The following PLXNA2 variants were observed in gnomAD, a reference collection of about 807,000 sequenced individuals.
The protein encoded by PLXNA2 is plexin A2, also known as plexin-A2.
In PLXNA2, 91 loss-of-function variants were observed where a neutral mutation model predicts 193.5. The observed-to-expected ratio is 0.47, with a 90% confidence interval of 0.40 to 0.56. The LOEUF (loss-of-function observed/expected upper bound fraction) is 0.56, where lower values mean the gene tolerates loss of function less well. PLXNA2 is among the 20% of genes least tolerant of loss of function. The pLI is 0.00. For synonymous variants in PLXNA2, 997 were observed against 1,027.3 expected (o/e 0.97, Z 0.56); for missense variants, 1,995 against 2,503.2 (o/e 0.80, Z 4.33).
chr1:208,071,898 T>C (rs1665989960), intron 12 of PLXNA2, among the ~76,000 whole-genome samples: 1 of 152,232 alleles, frequency 6.6e-6, no homozygotes, highest in Admixed American at 6.5e-5. Context: ...TGGCCTTTCC[T>C]GCAGAGATTT....
chr1:208,119,972 G>C (rs1234536361), intron 4 of PLXNA2, among the ~76,000 whole-genome samples: 2 of 152,222 alleles, frequency 1.3e-5, no homozygotes, highest in Non-Finnish European at 2.9e-5. Context: ...TCCAGAACCG[G>C]AGGGAGGTGA....
chr1:208,217,742 C>A lies in PLXNA2; in HGVS notation c.181G>T (p.Ala61Ser). 1 of 1,614,170 alleles carries A rather than the reference C, an allele frequency of 6.2e-7. No homozygotes were observed. Among genetic ancestry groups the A allele is most frequent in the South Asian group, 1.1e-5 (1 of 91,076 alleles). The part of the protein sequence containing the change: ...NHLTVHQGTG[A>S]VYVGAINRVY... ...CGGTTGATGGCCCCCACATAGACGG[C>A]CCCCGTCCCTTGGTGGACGGTCAAG... Residue 61 changes from alanine (A) to serine (S), a missense_variant, in exon 2 of 32, where the codon GCC becomes TCC. Physicochemically the swap from Ala to Ser is moderately conservative, Grantham distance 99 (BLOSUM62 1). Around this residue, in one of 3 missense-constraint regions of PLXNA2, gnomAD observed 702 missense variants for 812.9 expected, o/e 0.86. Coordinates refer to ENST00000367033, the MANE Select transcript of PLXNA2 (RefSeq NM_025179.4). The surrounding 1 kb of genome is among the most constrained non-coding windows in gnomAD (Gnocchi z 4.7).
chr1:208,038,484 G>C lies in PLXNA2; in HGVS notation c.4661-10C>G. 6.2e-7 allele frequency: 1 copy of C among 1,606,766 alleles called. No homozygotes were observed. Among genetic ancestry groups the C allele is most frequent in the South Asian group, 1.1e-5 (1 of 90,904 alleles). The stretch of plus-strand genomic sequence containing the variant: ...CGGCCTTGGCGCCACTCTGGGTGGA[G>C]GGGGTGGTGCAGGGAGCGGCGTGAG... On this transcript the variant is annotated splice_polypyrimidine_tract_variant and intron_variant, in intron 25 of 31. Coordinates refer to ENST00000367033, the MANE Select transcript of PLXNA2 (RefSeq NM_025179.4). The surrounding 1 kb of genome is among the most constrained non-coding windows in gnomAD (Gnocchi z 4.1).
chr1:208,112,211 T>C (rs149201482), intron 4 of PLXNA2, among the ~76,000 whole-genome samples: 91 of 152,224 alleles, frequency 6.0e-4, no homozygotes, highest in African/African-American at 2.0e-3. Flanking sequence ...GAGAGGACAA[T>C]ATGAAAAGAA....
At chr1:208,151,652 A>C (rs12026640) in intron 3 of PLXNA2, among the ~76,000 whole-genome samples, 16,700 of 152,246 alleles carry the variant, frequency 0.11, 1,129 homozygotes, top group East Asian at 0.31. Context: ...CATCTATTCT[A>C]TGTCAACCCG....
At chr1:208,111,163 G>T (rs1667461552) in intron 4 of PLXNA2, among the ~76,000 whole-genome samples, 1 of 152,234 alleles carries the variant, frequency 6.6e-6, no homozygotes, top group African/African-American at 2.4e-5. Flanking sequence ...GGATTCTCTT[G>T]CCTCAGCCCT....
At chr1:208,180,803 C>A (rs1010424029) in intron 3 of PLXNA2, among the ~76,000 whole-genome samples, 1 of 152,106 alleles carries the variant, frequency 6.6e-6, no homozygotes, top group South Asian at 2.1e-4. Flanking sequence ...CTAAAGCAAT[C>A]GAGGGGAACT....
At chr1:208,053,168 G>A (rs1311405258) in intron 14 of PLXNA2, among the ~76,000 whole-genome samples, 3 of 152,244 alleles carry the variant, frequency 2.0e-5, no homozygotes, top group Admixed American at 6.5e-5. Context: ...GTGGAGTGGA[G>A]TGAATTGGAA....
chr1:208,066,745 C>G (rs138060567), intron 12 of PLXNA2, among the ~76,000 whole-genome samples: 3 of 152,086 alleles, frequency 2.0e-5, no homozygotes, highest in Admixed American at 6.5e-5. Flanking sequence ...TCATAGGAGA[C>G]GACAGCTCTA....
At chr1:208,176,768 AG>A (rs1468822356) in intron 3 of PLXNA2, among the ~76,000 whole-genome samples, 3 of 152,258 alleles carry the variant, frequency 2.0e-5, no homozygotes, top group Non-Finnish European at 4.4e-5. Context: ...AAGACCTTAA[AG>A]GGTTTCCCCT....
At chr1:208,047,583 G>T (rs1036101636) in intron 17 of PLXNA2, among the ~76,000 whole-genome samples, 9 of 152,234 alleles carry the variant, frequency 5.9e-5, no homozygotes, top group Non-Finnish European at 1.3e-4. Context: ...ACCCAGCACA[G>T]CTCAGTTTCA....
At chr1:208,067,933 T>C (rs1196702238) in intron 12 of PLXNA2, among the ~76,000 whole-genome samples, 1 of 152,150 alleles carries the variant, frequency 6.6e-6, no homozygotes, top group East Asian at 1.9e-4. Flanking sequence ...GCATGTCCAC[T>C]GACAAATGCC....
Position 208,084,416 on chromosome 1 carries a change from G to A in PLXNA2, c.2262C>T (p.Arg754=). The change falls in exon 10 of 32, where the codon CGC becomes CGT. Residue 754 remains arginine (R), a synonymous_variant. Transcript: ENST00000367033. ...QGAIHRVPAL[R]FNSSSVQCQN... is the part of the protein sequence containing the mutation. Reference sequence around the variant, plus strand: ...GACACTGAACGCTGGAGCTGTTGAAGCGCAGAGCGGGGACCCGGTGGATGG... The same window carrying A: ...GACACTGAACGCTGGAGCTGTTGAAACGCAGAGCGGGGACCCGGTGGATGG... 6.2e-7 allele frequency: 1 copy of A among 1,614,270 alleles called. No individual in the cohort carries two copies. Among genetic ancestry groups the A allele is most frequent in the Non-Finnish European group, 8.5e-7 (1 of 1,180,050 alleles).
At chr1:208,103,331 C>T (rs1182129113) in intron 4 of PLXNA2, 84 bp from the exon 5 acceptor site, 1 of 1,033,772 alleles carries the variant, frequency 9.7e-7, no homozygotes, top group Admixed American at 2.2e-5. Context: ...TGTGTACTCA[C>T]ACTTGCACTG....
intron 3 of PLXNA2, among the ~76,000 whole-genome samples, chr1:208,185,696 C>CA (rs56384277): frequency 0.14 from 7,910 of 57,192 alleles, 413 homozygotes; most frequent in Non-Finnish European, 0.17. Context: ...TCTCTGAAAG[C>CA]AAAAAAAAAA....
intron 12 of PLXNA2, among the ~76,000 whole-genome samples, chr1:208,065,913 T>C (rs1312943973): frequency 6.6e-6 from 1 of 152,224 alleles, no homozygotes; most frequent in Non-Finnish European, 1.5e-5. Flanking sequence ...CTTCTTTCCC[T>C]GGCTATCAGC....
At chr1:208,031,255 A>C (rs1206630303) in intron 29 of PLXNA2, 42 of 1,130,790 alleles carry the variant, frequency 3.7e-5, no homozygotes, top group Middle Eastern at 3.8e-4. Flanking sequence ...AGCTCTTTGC[A>C]TAGGTTCCCC....
intron 2 of PLXNA2, among the ~76,000 whole-genome samples, chr1:208,212,026 C>T (rs1200352996): frequency 6.6e-6 from 1 of 152,192 alleles, no homozygotes; most frequent in Non-Finnish European, 1.5e-5. Context: ...GTGGCAAAGG[C>T]TGCAGGCTCT....
intron 12 of PLXNA2, among the ~76,000 whole-genome samples, chr1:208,075,508 C>G (rs904416348): frequency 6.6e-6 from 1 of 152,158 alleles, no homozygotes; most frequent in East Asian, 1.9e-4. Context: ...TACCACGTTT[C>G]TTCACTGCCC....
Sources: allele counts gnomAD v4.1 joint callset (sites outside exome capture counted in the v4.1 genomes callset), GRCh38; gene constraint gnomAD v4.1.1; regional missense constraint gnomAD v4.1.1; non-coding constraint Gnocchi (gnomAD v3.1); transcripts MANE v1.5; gene names NCBI Gene and HGNC (gene_info 2026-07-23, HGNC 2026-07-21).